Variants in SYCP2 observed in about 807,000 individuals in gnomAD.
The protein encoded by SYCP2 is synaptonemal complex protein 2, also known as synaptonemal complex lateral element protein.
In SYCP2, 55 loss-of-function variants were observed where a neutral mutation model predicts 211.3. That is an observed-to-expected ratio of 0.26 (90% CI 0.21 to 0.33). SYCP2 has a LOEUF of 0.33. SYCP2 is among the 10% of genes least tolerant of loss of function. The pLI is 1.00. For synonymous variants in SYCP2, 570 were observed against 555.2 expected, an observed-to-expected ratio of 1.03 and a Z score of -0.37; for missense variants, 1,731 against 1,752.0, an observed-to-expected ratio of 0.99 and a Z score of 0.21.
intron 5 of SYCP2, among the ~76,000 whole-genome samples, chr20:59,920,107 A>G (rs1373016158): frequency 6.6e-6 from 1 of 151,702 alleles, no homozygotes; most frequent in Non-Finnish European, 1.5e-5. Context: ...AGATAATAAG[A>G]GTTAAAGAGA....
In SYCP2 at chr20:59,915,559, G is replaced by GA. The variant is rs771320374; in HGVS notation, c.514-10dup. 12 of 1,532,140 alleles carry GA rather than the reference G, an allele frequency of 7.8e-6. No homozygotes were observed. The highest frequency in any genetic ancestry group is 2.3e-5 in the East Asian group (1 of 44,284). The allele number at this position is 1,532,140 out of a possible 1,614,324, so 94.9% of individuals were successfully genotyped here. On this transcript the variant is annotated splice_polypyrimidine_tract_variant and intron_variant, in intron 8 of 44. Transcript: ENST00000357552. Reference sequence around the variant, plus strand: ...TTCATTTTTTTTATAATCTAGAAAAGAAAAAAAGATAATGCATTAACTTTA... The same window carrying GA: ...TTCATTTTTTTTATAATCTAGAAAAGAAAAAAAAGATAATGCATTAACTTTA...
chr20:59,917,688 A>C (rs2145862324), intron 7 of SYCP2, among the ~76,000 whole-genome samples: 1 of 152,322 alleles, frequency 6.6e-6, no homozygotes, highest in Non-Finnish European at 1.5e-5. Context: ...TTTATTTATA[A>C]ATAATTCACC....
At chr20:59,899,114 C>T (rs921402311) in intron 18 of SYCP2, among the ~76,000 whole-genome samples, 1 of 151,982 alleles carries the variant, frequency 6.6e-6, no homozygotes, top group Non-Finnish European at 1.5e-5. Context: ...GTGACAAAGT[C>T]CTACGAGGAG....
chr20:59,874,465 T>C (rs1196004091), intron 34 of SYCP2, among the ~76,000 whole-genome samples: 2 of 151,998 alleles, frequency 1.3e-5, no homozygotes, highest in Non-Finnish European at 2.9e-5. Flanking sequence ...CACATAAAAA[T>C]TAGAAAATTT....
At chr20:59,870,389 A>G (rs2059427580) in intron 35 of SYCP2, among the ~76,000 whole-genome samples, 1 of 151,896 alleles carries the variant, frequency 6.6e-6, no homozygotes, top group African/African-American at 2.4e-5. Context: ...AACAATCAAT[A>G]GTTTTTCTAT....
chr20:59,869,660 C>T, intron 36 of SYCP2, 138 bp downstream of exon 36: 2 of 529,516 alleles, frequency 3.8e-6, no homozygotes, highest in Non-Finnish European at 6.5e-6. Flanking sequence ...ATTCTATATA[C>T]TTTAAACATC....
chr20:59,873,876 TTGG>T lies in SYCP2; in HGVS notation c.3532_3534del (p.Pro1178del). 5 of 1,611,064 alleles carry T rather than the reference TTGG, an allele frequency of 3.1e-6. No individual in the cohort carries two copies. In the East Asian group the frequency reaches 1.1e-4, roughly 36 times the overall value. On this transcript the variant is annotated inframe_deletion, in exon 35 of 45. Transcript: ENST00000357552. ...CTCACCAAAAACAGTGGTCGTGGAATTGGTGAACAACTTTCACTTGCACACAGG... is the reference window on the plus strand; with the variant it reads ...CTCACCAAAAACAGTGGTCGTGGAATTGAACAACTTTCACTTGCACACAGG...
At chr20:59,915,714 A>C in intron 8 of SYCP2, 164 bp from the exon 9 acceptor site, 1 of 513,488 alleles carries the variant, frequency 1.9e-6, no homozygotes, top group Non-Finnish European at 3.5e-6. Context: ...AGTATAAAAT[A>C]GGCCAGGCAT....
chr20:59,873,865 T>G lies in SYCP2; in HGVS notation c.3546A>C (p.Pro1182=). ...ATATATACATTCTCACCAAAAACAG[T>G]GGTCGTGGAATTGGTGAACAACTTT... ...ASESCSPIPR[P]LFLPRHTPTK... Residue 1182 remains proline, a synonymous_variant, in exon 35 of 45, where the codon CCA becomes CCC. Transcript: ENST00000357552. The G allele has an allele frequency of 2.5e-6, 4 of 1,607,420 alleles. No homozygotes were observed. Among genetic ancestry groups the G allele is most frequent in the Non-Finnish European group, 3.4e-6 (4 of 1,177,858 alleles).
intron 5 of SYCP2, 99 bp downstream of exon 5, chr20:59,920,260 T>C (rs1307843017): frequency 2.8e-6 from 3 of 1,081,182 alleles, no homozygotes; most frequent in Non-Finnish European, 2.6e-6. Flanking sequence ...TACATAAAGT[T>C]CCTAAATTTA....
intron 14 of SYCP2, among the ~76,000 whole-genome samples, chr20:59,909,709 T>C: frequency 6.6e-6 from 1 of 152,228 alleles, no homozygotes; most frequent in African/African-American, 2.4e-5. Context: ...CTTTCAATGT[T>C]CCGTTTACTC....
chr20:59,907,556 C>T, intron 14 of SYCP2, 132 bp from the exon 15 acceptor site: 3 of 626,526 alleles, frequency 4.8e-6, no homozygotes, highest in East Asian at 5.6e-5. Context: ...TTATATAACA[C>T]CTTTCTTGCT....
Position 59,922,430 on chromosome 20 carries a change from A to G in SYCP2, c.-17T>C. On this transcript the variant is annotated 5_prime_UTR_variant, in exon 3 of 45. Transcript: ENST00000357552. ...TATTGGCATTTTGACTTCATTTAAA[A>G]AAAAAAAAAAAGCAAGACAAAATAA... 1.3e-6 allele frequency: 2 copies of G among 1,537,242 alleles called. No homozygotes were observed. The highest frequency in any genetic ancestry group is 1.8e-6 in the Non-Finnish European group (2 of 1,140,612).
chr20:59,911,100 T>A (rs1232868461), intron 14 of SYCP2, among the ~76,000 whole-genome samples: 1 of 152,152 alleles, frequency 6.6e-6, no homozygotes, highest in Non-Finnish European at 1.5e-5. Context: ...GATTAGTAAA[T>A]GCTGATCAAC....
chr20:59,911,953 G>A lies in SYCP2; in HGVS notation c.877-108C>T. 7 of 447,484 alleles carry A rather than the reference G, an allele frequency of 1.6e-5. No homozygotes were observed. In the South Asian group the frequency reaches 2.2e-4, roughly 14 times the overall value. 27.7% of individuals were successfully genotyped at this position (447,484 alleles called of 1,614,324 possible). A position where few individuals can be genotyped will look rare whatever the true frequency, so the allele number is the denominator to read the frequency against. On this transcript the variant is annotated intron_variant, in intron 13 of 44. Coordinates refer to ENST00000357552, the MANE Select transcript of SYCP2 (RefSeq NM_014258.4). ...GCAAGAAAACAAAGCTAGAAGGAGA[G>A]AGAAGAGAAAGAACAGACAAGTATA...
chr20:59,913,730 A>G (rs1040330791), intron 12 of SYCP2, among the ~76,000 whole-genome samples: 1 of 152,134 alleles, frequency 6.6e-6, no homozygotes, highest in African/African-American at 2.4e-5. Flanking sequence ...TGAATTAAAC[A>G]GAAATGAACT....
At chr20:59,888,435 C>T (rs1467336384) in intron 24 of SYCP2, among the ~76,000 whole-genome samples, 2 of 151,904 alleles carry the variant, frequency 1.3e-5, no homozygotes, top group South Asian at 2.1e-4. Flanking sequence ...AAACATCTAA[C>T]AAAATCCAAC....
chr20:59,870,576 T>C (rs569646905), intron 35 of SYCP2, among the ~76,000 whole-genome samples: 7 of 151,858 alleles, frequency 4.6e-5, no homozygotes, highest in Non-Finnish European at 1.0e-4. Flanking sequence ...AGAGAAATCA[T>C]GTGTAGATAA....
chr20:59,928,631 G>C (rs990664873), intron 2 of SYCP2, among the ~76,000 whole-genome samples: 1 of 152,112 alleles, frequency 6.6e-6, no homozygotes, highest in Non-Finnish European at 1.5e-5. Context: ...GAAAACAAAT[G>C]GATCAATAAA....
Sources: gnomAD v4.1 joint callset for allele counts (sites outside exome capture counted in the v4.1 genomes callset) on GRCh38, gnomAD v4.1.1 for gene constraint, MANE v1.5 for transcripts, NCBI Gene and HGNC (gene_info 2026-07-23, HGNC 2026-07-21) for gene names.